PLA2G2C: variants seen among roughly 807,000 people sequenced by gnomAD.
PLA2G2C encodes putative inactive group IIC secretory phospholipase A2.
A neutral mutation model predicts 14.3 loss-of-function variants in PLA2G2C; 15 were observed. That is an observed-to-expected ratio of 1.05 (90% CI 0.70 to 1.62). The LOEUF (loss-of-function observed/expected upper bound fraction) is 1.62, where lower values mean the gene tolerates loss of function less well. Among genes scored for constraint, PLA2G2C ranks in the 40% most tolerant of loss-of-function variants. The pLI is 0.00. For missense variants in PLA2G2C, 162 were observed against 173.2 expected (o/e 0.94, Z 0.36); for synonymous variants, 79 against 67.7 (o/e 1.17, Z -0.82).
rs577458262 is a variant in PLA2G2C at position 20,180,134 on chromosome 1, A to G, written c.-76-2695T>C. Among the ~76,000 whole-genome samples the G allele has an allele frequency of 1.0e-3, 155 of 151,430 alleles. 1 individual carries two copies. The highest frequency in any genetic ancestry group is 2.2e-3 in the Admixed American group (34 of 15,238). On this transcript the variant is annotated intron_variant, in intron 1 of 4. Transcript: ENST00000679259. The stretch of plus-strand genomic sequence containing the variant: ...CTTTCTATGTCAGCTTCTCCCTTGC[A>G]TGTCAGCTTCTCCCTCTCCCCATTC...
At chr1:20,169,218 G>A (rs747059553) in intron 4 of PLA2G2C, among the ~76,000 whole-genome samples, 2 of 152,204 alleles carry the variant, frequency 1.3e-5, no homozygotes, top group Non-Finnish European at 2.9e-5. Context: ...TCACTCTGTT[G>A]CCCAGGCTGG....
chr1:20,168,619 C>G (rs2018017669), intron 4 of PLA2G2C, among the ~76,000 whole-genome samples: 2 of 152,230 alleles, frequency 1.3e-5, no homozygotes, highest in Non-Finnish European at 2.9e-5. Context: ...AAAGTCTTTG[C>G]AAAATACAAA....
intron 4 of PLA2G2C, 53 bp downstream of exon 4, chr1:20,172,741 G>T: frequency 6.8e-7 from 1 of 1,460,152 alleles, no homozygotes; most frequent in Non-Finnish European, 9.5e-7. Context: ...GGAGGTGAAC[G>T]TTAAGGAAAG....
At chr1:20,174,509 C>G (rs564752886) in intron 3 of PLA2G2C, among the ~76,000 whole-genome samples, 24 of 152,286 alleles carry the variant, frequency 1.6e-4, no homozygotes, top group African/African-American at 5.8e-4. Flanking sequence ...GGAATTAGGA[C>G]TAGTGAGTCA....
chr1:20,169,031 C>T (rs1193320298), intron 4 of PLA2G2C, among the ~76,000 whole-genome samples: 3 of 152,316 alleles, frequency 2.0e-5, no homozygotes, highest in South Asian at 2.1e-4. Flanking sequence ...CTACTGCATC[C>T]CAGAGCAGCC....
chr1:20,175,102 T>C lies in PLA2G2C; in HGVS notation c.84A>G (p.Lys28=). The change falls in exon 3 of 5, where the codon AAA becomes AAG. Residue 28 remains lysine, a synonymous_variant. Transcript: ENST00000679259. ...SSFWQFQRRV[K]HITGRSAFFS... is the part of the protein sequence containing the mutation. ...AGAAGGCACTTCGCCCCGTGATGTG[T>C]TTGACCCTCCTCTGAAACTGCCAGA... 6.2e-7 allele frequency: 1 copy of C among 1,613,932 alleles called. No individual in the cohort carries two copies.
At chr1:20,185,477 C>T (rs1251447139) in intron 1 of PLA2G2C, among the ~76,000 whole-genome samples, 1 of 152,054 alleles carries the variant, frequency 6.6e-6, no homozygotes, top group Non-Finnish European at 1.5e-5. Context: ...ACAGATACAG[C>T]GGAAGTGACT....
At chr1:20,165,334 C>T (rs1287286139) in intron 4 of PLA2G2C, among the ~76,000 whole-genome samples, 1 of 152,234 alleles carries the variant, frequency 6.6e-6, no homozygotes, top group Non-Finnish European at 1.5e-5. Context: ...AAAGCTCTCT[C>T]TGGCCATGTC....
chr1:20,181,305 A>C (rs536112897), intron 1 of PLA2G2C, among the ~76,000 whole-genome samples: 1 of 151,336 alleles, frequency 6.6e-6, no homozygotes, highest in Non-Finnish European at 1.5e-5. Flanking sequence ...AATAACTGCA[A>C]CCCCTTGAGT....
At position 20,171,017 on chromosome 1, in the gene PLA2G2C, GCTTCC is replaced by G. The variant is rs572725572; in HGVS notation, c.283+1772_283+1776del. On this transcript the variant is annotated intron_variant, in intron 4 of 4. Transcript: ENST00000679259. ...AGGGTGAAGAGCATTGAATAGAGAA[GCTTCC>G]CTGGGTGCAGAGAGCCTAGGCCAGC... is the stretch of plus-strand genomic sequence containing the variant. 3.1e-4 allele frequency among the ~76,000 whole-genome samples: 44 copies of G among 141,614 alleles called. 9 individuals carry two copies. Among genetic ancestry groups the G allele is most frequent in the Admixed American group, 1.9e-3 (28 of 14,578 alleles). 92.9% of individuals were successfully genotyped at this position (141,614 alleles called of 152,430 possible).
In PLA2G2C at chr1:20,163,961, C is replaced by T. The variant is rs1428020706; in HGVS notation, c.*30G>A. 6.3e-7 allele frequency: 1 copy of T among 1,598,874 alleles called. No individual in the cohort carries two copies. Among genetic ancestry groups the T allele is most frequent in the East Asian group, 2.2e-5 (1 of 44,534 alleles). On this transcript the variant is annotated 3_prime_UTR_variant, in exon 5 of 5. Coordinates refer to ENST00000679259, the MANE Select transcript of PLA2G2C (RefSeq NM_001367969.2). ...TGGAAGAGCAACACTAGAGCGGATG[C>T]TGGATGATGAGAGGGACCCTGTGGT... is the stretch of plus-strand genomic sequence containing the variant.
chr1:20,180,531 T>C (rs1469977090), intron 1 of PLA2G2C, among the ~76,000 whole-genome samples: 1 of 152,324 alleles, frequency 6.6e-6, no homozygotes, highest in Admixed American at 6.5e-5. Flanking sequence ...AGCTATGAAG[T>C]GGGCCAGGAC....
At chr1:20,171,177 T>C (rs967907659) in intron 4 of PLA2G2C, among the ~76,000 whole-genome samples, 3 of 96,796 alleles carry the variant, frequency 3.1e-5, no homozygotes, top group Non-Finnish European at 6.6e-5. Context: ...GAGGCCACCT[T>C]CTCCAGTCCC....
At chr1:20,164,701 G>T (rs1249060801) in intron 4 of PLA2G2C, among the ~76,000 whole-genome samples, 1 of 152,208 alleles carries the variant, frequency 6.6e-6, no homozygotes, top group Non-Finnish European at 1.5e-5. Context: ...GTTCACAAGG[G>T]AACCCTTGAT....
intron 4 of PLA2G2C, among the ~76,000 whole-genome samples, chr1:20,166,081 G>A (rs542159131): frequency 6.6e-6 from 1 of 152,364 alleles, no homozygotes; most frequent in South Asian, 2.1e-4. Flanking sequence ...TGGTCCGGAT[G>A]TGCCTGGCAC....
Position 20,175,011 on chromosome 1 carries a change from C to T in PLA2G2C, c.175G>A (p.Asp59Asn). 3 of 1,613,190 alleles carry T rather than the reference C, an allele frequency of 1.9e-6. No homozygotes were observed. ...CCTTAGAGCCTCTGCACCCACCTGT[C>T]AGTGTCATCCACGGGGATCCCTTTA... ...GDKGIPVDDT[D>N]RHSPSSPSPY... The change falls in exon 3 of 5, where the codon GAC becomes AAC. Residue 59 changes from aspartate (D) to asparagine (N), a missense_variant. By Grantham distance (23) the Asp-to-Asn change is conservative. Transcript: ENST00000679259.
rs569196966 is a variant in PLA2G2C, at chr1:20,172,894, G to A, written c.183C>T (p.His61=). Residue 61 remains histidine (H), a synonymous_variant, in exon 4 of 5, where the codon CAC becomes CAT. Transcript: ENST00000679259. The stretch of plus-strand genomic sequence containing the variant: ...CGTAGGGAGAGGGAGATGAGGGGCT[G>A]TGCCTGGAAGTGGGTCCCTCAGGAA... ...KGIPVDDTDR[H]SPSSPSPYEK... The A allele has an allele frequency of 5.3e-5, 86 of 1,612,828 alleles. No individual in the cohort carries two copies. In the East Asian group the frequency reaches 1.6e-3, roughly 30 times the overall value.
At chr1:20,167,474 G>A (rs895168902) in intron 4 of PLA2G2C, among the ~76,000 whole-genome samples, 5 of 152,174 alleles carry the variant, frequency 3.3e-5, no homozygotes, top group African/African-American at 1.2e-4. Flanking sequence ...CCCATCAGCA[G>A]GTCCTGTCGG....
chr1:20,168,581 T>A (rs1433636389), intron 4 of PLA2G2C, among the ~76,000 whole-genome samples: 4 of 152,176 alleles, frequency 2.6e-5, no homozygotes, highest in Non-Finnish European at 5.9e-5. Context: ...GAGGCTGAGA[T>A]GAGGAATATA....
Sources: gnomAD v4.1 joint callset for allele counts (sites outside exome capture counted in the v4.1 genomes callset) on GRCh38, gnomAD v4.1.1 for gene constraint, MANE v1.5 for transcripts, NCBI Gene and HGNC (gene_info 2026-07-23, HGNC 2026-07-21) for gene names.